SEC16B: variants seen among roughly 807,000 people sequenced by gnomAD.
SEC16B encodes protein transport protein Sec16B.
Under a neutral mutation model 141.8 loss-of-function variants are expected in SEC16B, and 115 were observed. That is an observed-to-expected ratio of 0.81 (90% CI 0.70 to 0.95). The LOEUF is 0.95. Ranked by LOEUF, SEC16B falls within the 40% of genes least tolerant of loss-of-function variation. SEC16B has a pLI of 0.00. For missense variants in SEC16B, 1,291 were observed against 1,312.3 expected, an observed-to-expected ratio of 0.98 and a Z score of 0.25; for synonymous variants, 493 against 492.5, an observed-to-expected ratio of 1.00 and a Z score of -0.01.
chr1:177,977,639 C>G (rs1298557534), intron 1 of SEC16B, among the ~76,000 whole-genome samples: 1 of 152,154 alleles, frequency 6.6e-6, no homozygotes, highest in Admixed American at 6.5e-5. Flanking sequence ...TTGCAGCTGT[C>G]TGAATAGGGT....
At chr1:177,947,403 G>T (rs1651793087) in intron 13 of SEC16B, among the ~76,000 whole-genome samples, 1 of 152,070 alleles carries the variant, frequency 6.6e-6, no homozygotes, top group Non-Finnish European at 1.5e-5. Context: ...AGGAGGCAAG[G>T]TGTCCTATGC....
rs1351082718 is a variant in SEC16B at position 177,929,023 on chromosome 1, A to G, written c.*835T>C. On this transcript the variant is annotated 3_prime_UTR_variant, in exon 26 of 26. Coordinates refer to ENST00000308284, the MANE Select transcript of SEC16B (RefSeq NM_033127.4). Reference sequence around the variant, plus strand: ...CACTCCAGTGACCCTCTGAACATCAATTTGCAAAGGCCTGAGGTAGAAAGG... The same window carrying G: ...CACTCCAGTGACCCTCTGAACATCAGTTTGCAAAGGCCTGAGGTAGAAAGG... 6.6e-6 allele frequency: 1 copy of G among 152,566 alleles called. No homozygotes were observed. Among genetic ancestry groups the G allele is most frequent in the Non-Finnish European group, 1.5e-5 (1 of 68,020 alleles). 9.5% of individuals were successfully genotyped at this position (152,566 alleles called of 1,614,324 possible).
intron 1 of SEC16B, among the ~76,000 whole-genome samples, chr1:177,979,113 G>A (rs544664291): frequency 1.3e-5 from 2 of 152,120 alleles, no homozygotes; most frequent in Non-Finnish European, 2.9e-5. Context: ...GCTTTTGCTC[G>A]GAAGAGCATA....
Position 177,967,867 on chromosome 1 carries a change from A to T in SEC16B, c.115T>A (p.Ser39Thr). The T allele has an allele frequency of 6.2e-7, 1 of 1,613,966 alleles. No individual in the cohort carries two copies. The highest frequency in any genetic ancestry group is 8.5e-7 in the Non-Finnish European group (1 of 1,179,880). The change falls in exon 2 of 26, where the codon TCT (serine) becomes ACT (threonine). Residue 39 changes from serine (S) to threonine (T), a missense_variant. By Grantham distance (58) the Ser-to-Thr change is moderately conservative. This residue lies in a region of SEC16B where 681 missense variants were observed against 675.5 expected (regional missense o/e 1.01). Coordinates refer to ENST00000308284, the MANE Select transcript of SEC16B (RefSeq NM_033127.4). ...RDGHHRPVPHSWHNGERFHQW... is the reference protein window; with the variant it reads ...RDGHHRPVPHTWHNGERFHQW... ...TGAAACCTCTCTCCATTGTGCCAAG[A>T]GTGAGGGACAGGCCGATGATGTCCA...
chr1:177,975,532 A>G (rs1654138388), intron 1 of SEC16B, among the ~76,000 whole-genome samples: 1 of 152,180 alleles, frequency 6.6e-6, no homozygotes, highest in South Asian at 2.1e-4. Flanking sequence ...GACACAAATT[A>G]TCTGCATACT....
intron 1 of SEC16B, among the ~76,000 whole-genome samples, chr1:177,980,759 G>C (rs77989683): frequency 4.9e-5 from 4 of 81,312 alleles, no homozygotes; most frequent in South Asian, 4.5e-4. Context: ...GTTTCTCTGC[G>C]AAAAAAAAAA....
intron 1 of SEC16B, among the ~76,000 whole-genome samples, chr1:177,978,556 T>C (rs1654270227): frequency 6.6e-6 from 1 of 151,748 alleles, no homozygotes; most frequent in Admixed American, 6.6e-5. Context: ...AAGAAAAAAT[T>C]AATTGGGCAT....
intron 7 of SEC16B, 80 bp from the exon 8 acceptor site, chr1:177,960,483 C>T (rs1029405984): frequency 9.9e-7 from 1 of 1,006,640 alleles, no homozygotes; most frequent in Non-Finnish European, 1.5e-6. Flanking sequence ...TGTCAGACCC[C>T]AAGGCCGTGG....
intron 12 of SEC16B, chr1:177,948,518 T>A (rs759176427): frequency 1.4e-5 from 18 of 1,304,256 alleles, no homozygotes; most frequent in Non-Finnish European, 1.8e-5. Context: ...GTGGCCCAGC[T>A]AGGACGATGC....
intron 1 of SEC16B, among the ~76,000 whole-genome samples, chr1:177,978,337 A>C (rs542866526): frequency 6.6e-6 from 1 of 152,338 alleles, no homozygotes; most frequent in South Asian, 2.1e-4. Context: ...TGATCTAGGA[A>C]AAGCACTCAG....
chr1:177,937,252 G>C lies in SEC16B; in HGVS notation c.2465C>G (p.Thr822Arg), dbSNP rs774335823. 1.2e-6 allele frequency: 2 copies of C among 1,613,770 alleles called. No homozygotes were observed. The highest frequency in any genetic ancestry group is 1.7e-6 in the Non-Finnish European group (2 of 1,179,832). ...SVAVTEATGG[T>R]VWEEMLQTHL... ...TGTCTGCAGCATTTCCTCCCAGACT[G>C]TTCCTCCAGTGGCCTCTGTCACTGC... The change falls in exon 19 of 26, where the codon ACA becomes AGA. Residue 822 changes from threonine (T) to arginine (R), a missense_variant. Thr to Arg is a moderately conservative substitution (Grantham distance 71). Around this residue, in one of 3 missense-constraint regions of SEC16B, gnomAD observed 605 missense variants for 614.1 expected, o/e 0.99. Transcript: ENST00000308284.
intron 11 of SEC16B, among the ~76,000 whole-genome samples, chr1:177,953,727 G>A (rs758653873): frequency 8.5e-5 from 13 of 152,194 alleles, no homozygotes; most frequent in African/African-American, 2.2e-4. Flanking sequence ...GTGTGCTGGC[G>A]TCATTTCTGA....
chr1:177,949,770 G>T (rs1652027283), intron 12 of SEC16B, among the ~76,000 whole-genome samples: 1 of 152,122 alleles, frequency 6.6e-6, no homozygotes. Context: ...CGTCTGTGTT[G>T]TCCTGTTGCC....
chr1:177,978,269 G>A (rs1654257345), intron 1 of SEC16B, among the ~76,000 whole-genome samples: 1 of 152,214 alleles, frequency 6.6e-6, no homozygotes, highest in African/African-American at 2.4e-5. Context: ...ATGAGATAAT[G>A]TACTGTGCAT....
chr1:177,961,634 C>T lies in SEC16B; in HGVS notation c.743G>A (p.Arg248Gln), dbSNP rs368884521. The T allele has an allele frequency of 7.7e-5, 124 of 1,613,870 alleles. 1 individual carries two copies. Among genetic ancestry groups the T allele is most frequent in the South Asian group, 2.0e-4 (18 of 91,020 alleles). Residue 248 changes from arginine (R) to glutamine (Q), a missense_variant, in exon 6 of 26, where the codon CGG becomes CAG. This residue lies in a region of SEC16B where 681 missense variants were observed against 675.5 expected (regional missense o/e 1.01). Coordinates refer to ENST00000308284, the MANE Select transcript of SEC16B (RefSeq NM_033127.4). ...AGCTGCTGAAGCTGGGGGATCATCC[C>T]GCTCCGGGGCATCTCTGATGTACTG... ...LSQYIRDAPE[R>Q]DDPPASAAWS... is the part of the protein sequence containing the mutation.
intron 9 of SEC16B, 23 bp downstream of exon 9, chr1:177,958,817 T>A (rs747291624): frequency 1.2e-6 from 2 of 1,600,370 alleles, no homozygotes; most frequent in South Asian, 2.2e-5. Context: ...CTGCACCTGC[T>A]CTCCCACCAG....
intron 1 of SEC16B, among the ~76,000 whole-genome samples, chr1:177,977,374 C>T (rs1473849585): frequency 6.6e-6 from 1 of 152,200 alleles, no homozygotes; most frequent in Admixed American, 6.5e-5. Flanking sequence ...CCCTCATGCA[C>T]ACATGGCTCT....
chr1:177,980,843 C>T (rs1239485897), intron 1 of SEC16B, among the ~76,000 whole-genome samples: 2 of 151,624 alleles, frequency 1.3e-5, no homozygotes, highest in Non-Finnish European at 2.9e-5. Context: ...GTGCATTATC[C>T]TGGAAAGAGA....
At chr1:177,979,032 C>G (rs542929937) in intron 1 of SEC16B, among the ~76,000 whole-genome samples, 1 of 152,182 alleles carries the variant, frequency 6.6e-6, no homozygotes, top group South Asian at 2.1e-4. Context: ...GATACTTTTA[C>G]CAAATTCACA....
Sources: allele counts gnomAD v4.1 joint callset (sites outside exome capture counted in the v4.1 genomes callset), GRCh38; gene constraint gnomAD v4.1.1; regional missense constraint gnomAD v4.1.1; transcripts MANE v1.5; gene names NCBI Gene and HGNC (gene_info 2026-07-23, HGNC 2026-07-21).